PROSER3: variants seen among roughly 807,000 people sequenced by gnomAD.
PROSER3 encodes the protein proline and serine rich 3, also known as proline and serine-rich protein 3.
A neutral mutation model predicts 50.2 loss-of-function variants in PROSER3; 33 were observed. The ratio of observed to expected loss-of-function variants is 0.66; its 90% CI spans 0.50 to 0.88. The LOEUF (loss-of-function observed/expected upper bound fraction) is 0.88. PROSER3 is among the 40% of genes least tolerant of loss of function. The pLI is 0.00. For synonymous variants in PROSER3, 266 were observed against 259.3 expected (o/e 1.03, Z -0.25); for missense variants, 623 against 612.7 (o/e 1.02, Z -0.18).
chr19:35,764,562 A>G (rs1218644654), intron 5 of PROSER3, among the ~76,000 whole-genome samples: 3 of 152,102 alleles, frequency 2.0e-5, no homozygotes, highest in Non-Finnish European at 4.4e-5. Context: ...AGGCTGAGGC[A>G]GGAGAATTGC....
chr19:35,766,323 G>A (rs1026971109), intron 7 of PROSER3, among the ~76,000 whole-genome samples: 12 of 152,120 alleles, frequency 7.9e-5, no homozygotes, highest in Admixed American at 5.9e-4. Flanking sequence ...GTGGGATGAT[G>A]ATGGCTTGAG....
chr19:35,765,877 G>A (rs919387561), intron 7 of PROSER3, among the ~76,000 whole-genome samples: 11 of 152,136 alleles, frequency 7.2e-5, no homozygotes, highest in Non-Finnish European at 1.0e-4. Context: ...GCCAGGGAAG[G>A]TGACCAAGAT....
At chr19:35,761,718 C>T (rs1029323025) in intron 3 of PROSER3, among the ~76,000 whole-genome samples, 3 of 151,646 alleles carry the variant, frequency 2.0e-5, no homozygotes, top group African/African-American at 7.3e-5. Flanking sequence ...AAAAAGTAGC[C>T]GAGTGTGGTG....
chr19:35,766,979 T>TGGGG (rs1199463056), intron 8 of PROSER3, 24 bp downstream of exon 8: 7 of 1,533,722 alleles, frequency 4.6e-6, no homozygotes, highest in Non-Finnish European at 6.2e-6. Flanking sequence ...GGGAGGAGCC[T>TGGGG]GGGGGGAGCT....
chr19:35,758,470 G>A (rs577273493), intron 1 of PROSER3: 71 of 428,656 alleles, frequency 1.7e-4, no homozygotes, highest in African/African-American at 1.4e-3. Context: ...GCCTCTAAAG[G>A]TGTCCAAGAA....
downstream of PROSER3, chr19:35,770,841 TTC>T (rs766223651): frequency 2.6e-5 from 4 of 151,572 alleles, no homozygotes; most frequent in Admixed American, 2.6e-4. Flanking sequence ...AAAAGATAAT[TTC>T]TCTCTCTTTC....
intron 8 of PROSER3, chr19:35,767,788 C>G (rs1349499939): frequency 6.2e-7 from 1 of 1,604,272 alleles, no homozygotes; most frequent in South Asian, 1.1e-5. Flanking sequence ...CATCTGAATC[C>G]CAGTGTCGGG....
At chr19:35,764,378 C>T (rs142059199) in intron 5 of PROSER3, among the ~76,000 whole-genome samples, 14 of 152,070 alleles carry the variant, frequency 9.2e-5, no homozygotes, top group African/African-American at 2.6e-4. Flanking sequence ...GCTAATCCAC[C>T]GGGCGCGGTG....
intron 3 of PROSER3, 130 bp from the exon 4 acceptor site, chr19:35,761,889 G>C: frequency 1.7e-6 from 2 of 1,152,840 alleles, no homozygotes; most frequent in Non-Finnish European, 2.4e-6. Context: ...ATATAAGAAA[G>C]AAAAGCAGAT....
In PROSER3 at chr19:35,768,522, T is replaced by G; in HGVS notation, c.1420T>G (p.Ser474Ala). The G allele has an allele frequency of 6.3e-7, 1 of 1,596,396 alleles. No individual in the cohort carries two copies. Among genetic ancestry groups the G allele is most frequent in the African/African-American group, 1.3e-5 (1 of 74,672 alleles). The change falls in exon 11 of 11, where the codon TCC becomes GCC. Residue 474 changes from serine (S) to alanine (A), a missense_variant. Physicochemically the swap from Ser to Ala is moderately conservative, Grantham distance 99. Around this residue, in one of 3 missense-constraint regions of PROSER3, gnomAD observed 380 missense variants for 346.8 expected, o/e 1.10. Transcript: ENST00000396908. ...GAGGCTGCTAAGAAGGGAAGGAGAT[T>G]CCCTGGAGGCCAGAAGACTTTGAAT...
chr19:35,764,955 C>T lies in PROSER3; in HGVS notation c.626+19C>T. ...AACGCAGGTGCCCGCACCCCTGCCC[C>T]CATCACCCTTCCTACTGCGGCTCCA... On this transcript the variant is annotated intron_variant, in intron 6 of 10. Coordinates refer to ENST00000396908, the Ensembl canonical transcript of PROSER3. The T allele has an allele frequency of 1.2e-6, 2 of 1,613,428 alleles. No individual in the cohort carries two copies. Among genetic ancestry groups the T allele is most frequent in the Non-Finnish European group, 1.7e-6 (2 of 1,179,758 alleles).
exon 7 of PROSER3, chr19:35,765,100 C>A (rs1198205596): frequency 3.7e-6 from 6 of 1,613,898 alleles, no homozygotes; most frequent in Non-Finnish European, 5.1e-6. Flanking sequence ...CATTCCCCAC[C>A]AGCTCTGATG....
intron 7 of PROSER3, among the ~76,000 whole-genome samples, chr19:35,765,593 TAAATG>T (rs940357134): frequency 6.6e-6 from 1 of 151,612 alleles, no homozygotes; most frequent in African/African-American, 2.4e-5. Flanking sequence ...AATAAATAAA[TAAATG>T]GTGCCATCAT....
At chr19:35,762,849 T>C (rs1971005153) in intron 5 of PROSER3, 1 of 150,172 alleles carries the variant, frequency 6.7e-6, no homozygotes, top group Non-Finnish European at 1.5e-5. Context: ...CTGACCAACA[T>C]GGTGAAACCC....
chr19:35,759,746 G>A (rs1305623601), intron 2 of PROSER3, 43 bp from the exon 3 acceptor site: 1 of 1,511,954 alleles, frequency 6.6e-7, no homozygotes, highest in East Asian at 2.5e-5. Flanking sequence ...GATGACCCAT[G>A]AGACCTCACA....
intron 8 of PROSER3, chr19:35,767,619 G>A (rs1003633266): frequency 6.7e-5 from 47 of 703,890 alleles, no homozygotes; most frequent in Non-Finnish European, 1.0e-4. Flanking sequence ...CAGGGACCTG[G>A]CCCTCAGCTC....
At chr19:35,766,712 G>C (rs769520308) in intron 7 of PROSER3, 56 bp from the exon 8 acceptor site, 13 of 1,310,710 alleles carry the variant, frequency 9.9e-6, no homozygotes, top group African/African-American at 1.5e-5. Flanking sequence ...GCTGTCCTGG[G>C]GTTGCTGATC....
chr19:35,761,847 C>T (rs1476253582), intron 3 of PROSER3, among the ~76,000 whole-genome samples, 172 bp from the exon 4 acceptor site: 3 of 152,052 alleles, frequency 2.0e-5, no homozygotes, highest in Admixed American at 6.6e-5. Context: ...GGTGACAGAG[C>T]GAGACCCTGT....
At chr19:35,766,815 C>T (rs1359578755) in exon 8 of PROSER3, 2 of 1,551,392 alleles carry the variant, frequency 1.3e-6, no homozygotes, top group Non-Finnish European at 1.7e-6. Flanking sequence ...TGCTCCAGCC[C>T]CAGCCTCCTC....
Sources: gnomAD v4.1 joint callset for allele counts (sites outside exome capture counted in the v4.1 genomes callset) on GRCh38, gnomAD v4.1.1 for gene constraint, gnomAD v4.1.1 regional missense constraint, MANE v1.5 for transcripts, NCBI Gene and HGNC (gene_info 2026-07-23, HGNC 2026-07-21) for gene names.